Variants in STXBP4 observed in about 807,000 individuals in gnomAD.
The protein encoded by STXBP4 is syntaxin-binding protein 4.
Under a neutral mutation model 76.1 loss-of-function variants are expected in STXBP4, and 55 were observed. The ratio of observed to expected loss-of-function variants is 0.72; its 90% confidence interval spans 0.58 to 0.91. STXBP4 has a LOEUF of 0.91. Among genes scored for constraint, STXBP4 ranks in the 40% least tolerant of loss-of-function variants. The probability of loss-of-function intolerance (pLI) is 0.00; values close to 1 mark genes in which losing one functional copy is unlikely to be tolerated. For synonymous variants in STXBP4, 201 were observed against 220.2 expected, an observed-to-expected ratio of 0.91 and a Z score of 0.77; for missense variants, 618 against 636.9, an observed-to-expected ratio of 0.97 and a Z score of 0.32.
intron 1 of STXBP4, among the ~76,000 whole-genome samples, chr17:54,981,872 T>C (rs2077555424): frequency 6.6e-6 from 1 of 152,086 alleles, no homozygotes; most frequent in Non-Finnish European, 1.5e-5. Context: ...TGGCAAAAGA[T>C]GTAAAAAAAA....
chr17:55,079,402 A>AGCTCATAT (rs1195584931), intron 15 of STXBP4, among the ~76,000 whole-genome samples: 1 of 152,092 alleles, frequency 6.6e-6, no homozygotes, highest in Non-Finnish European at 1.5e-5. Context: ...TGCTCTCATA[A>AGCTCATAT]TAGCTGCCAC....
intron 7 of STXBP4, among the ~76,000 whole-genome samples, chr17:55,004,020 A>G (rs1390499557): frequency 6.6e-6 from 1 of 151,946 alleles, no homozygotes. Context: ...AAAAATAGAA[A>G]AAAAAAAAAT....
intron 16 of STXBP4, among the ~76,000 whole-genome samples, chr17:55,110,336 T>C (rs1467506728): frequency 3.9e-5 from 6 of 152,224 alleles, no homozygotes; most frequent in African/African-American, 1.4e-4. Context: ...ATAGTCATAG[T>C]TTCCATGGCT....
At chr17:55,051,772 G>T (rs1473620161) in intron 12 of STXBP4, among the ~76,000 whole-genome samples, 1 of 151,960 alleles carries the variant, frequency 6.6e-6, no homozygotes, top group Non-Finnish European at 1.5e-5. Context: ...GAAAAAGAAA[G>T]AAGGAAAGAA....
chr17:55,118,762 G>A lies in STXBP4; in HGVS notation c.1490-22548G>A, dbSNP rs564008058. ...TTCAGAAAGATAGAAGGAAAATTAG[G>A]CAAATGTACTATTATAGAAACCAAG... On this transcript the variant is annotated intron_variant, in intron 16 of 17. Coordinates refer to ENST00000376352, the MANE Select transcript of STXBP4 (RefSeq NM_178509.6). Among the ~76,000 whole-genome samples, 8 of 151,678 alleles carry A rather than the reference G, an allele frequency of 5.3e-5. No homozygotes were observed. In the South Asian group the frequency reaches 1.0e-3, roughly 20 times the overall value.
rs560403174 is a variant in STXBP4, at chr17:55,088,700, A to G, written c.1489+7517A>G. Reference sequence around the variant, plus strand: ...GCGTGAGCCACCGTGCCAGGCCTAGAAGACAATTCTAAAGCTTTCCTGGAT... The same window carrying G: ...GCGTGAGCCACCGTGCCAGGCCTAGGAGACAATTCTAAAGCTTTCCTGGAT... On this transcript the variant is annotated intron_variant, in intron 16 of 17. Transcript: ENST00000376352. Among the ~76,000 whole-genome samples, 3 of 152,292 alleles carry G rather than the reference A, an allele frequency of 2.0e-5. No individual in the cohort carries two copies. The East Asian group carries it at 5.8e-4, about 29-fold the overall frequency.
intron 7 of STXBP4, among the ~76,000 whole-genome samples, chr17:55,003,126 C>T (rs2077946558): frequency 1.3e-5 from 2 of 152,160 alleles, no homozygotes; most frequent in South Asian, 2.1e-4. Context: ...GATAACTGAA[C>T]ACAGGAGATC....
chr17:55,042,189 C>T (rs1470403869), intron 10 of STXBP4, among the ~76,000 whole-genome samples: 1 of 151,980 alleles, frequency 6.6e-6, no homozygotes, highest in Non-Finnish European at 1.5e-5. Context: ...TCCATTCCAC[C>T]ACGTTTTTTG....
At chr17:55,115,854 A>G (rs577074115) in intron 16 of STXBP4, among the ~76,000 whole-genome samples, 1 of 151,970 alleles carries the variant, frequency 6.6e-6, no homozygotes, top group East Asian at 1.9e-4. Flanking sequence ...TTATTTTTCA[A>G]ATGTACAATT....
At position 55,133,539 on chromosome 17, in the gene STXBP4, C is replaced by T. The variant is rs561962777; in HGVS notation, c.1490-7771C>T. ...TGAGATCACCTAACAAATGAGTGTA[C>T]GCAGGAAAAGAACAGAAAGGAAGGA... On this transcript the variant is annotated intron_variant, in intron 16 of 17. Coordinates refer to ENST00000376352, the MANE Select transcript of STXBP4 (RefSeq NM_178509.6). 5.1e-4 allele frequency among the ~76,000 whole-genome samples: 77 copies of T among 152,060 alleles called. 1 individual carries two copies. The highest frequency in any genetic ancestry group is 2.6e-3 in the Admixed American group (40 of 15,264).
At chr17:55,034,079 A>G in intron 9 of STXBP4, 89 bp from the exon 10 acceptor site, 1 of 889,792 alleles carries the variant, frequency 1.1e-6, no homozygotes, top group Non-Finnish European at 1.7e-6. Context: ...TGTGGGTTAA[A>G]TTTGAAACCT....
chr17:55,127,993 T>G (rs1220923122), intron 16 of STXBP4, among the ~76,000 whole-genome samples: 1 of 152,142 alleles, frequency 6.6e-6, no homozygotes, highest in Non-Finnish European at 1.5e-5. Context: ...ATTTCTAAAA[T>G]TGTATGTCTA....
chr17:55,124,321 A>G (rs1464273843), intron 16 of STXBP4, among the ~76,000 whole-genome samples: 2 of 152,218 alleles, frequency 1.3e-5, no homozygotes, highest in African/African-American at 2.4e-5. Flanking sequence ...TTCAGGCCTT[A>G]CTTTTGCATG....
intron 11 of STXBP4, chr17:55,043,848 G>C: frequency 1.8e-6 from 1 of 560,908 alleles, no homozygotes. Context: ...TTTGATTCTT[G>C]TTTTTGTTTT....
chr17:55,044,185 T>A (rs2078753001), intron 11 of STXBP4: 2 of 152,230 alleles, frequency 1.3e-5, no homozygotes, highest in South Asian at 4.1e-4. Flanking sequence ...TTTCATTCTG[T>A]TTTTAGAAGA....
At chr17:55,008,782 A>T (rs182154759) in intron 8 of STXBP4, among the ~76,000 whole-genome samples, 131 of 152,070 alleles carry the variant, frequency 8.6e-4, no homozygotes, top group African/African-American at 2.8e-3. Context: ...GGGTCTTTTA[A>T]TCTACTTTTA....
the STXBP4 span, among the ~76,000 whole-genome samples, chr17:55,197,557 C>T: frequency 3.3e-5 from 5 of 152,228 alleles, no homozygotes; most frequent in Admixed American, 2.6e-4. Context: ...TCCTGGCCAA[C>T]ACGGTGAAAT....
chr17:54,993,462 C>A (rs2077749992), intron 4 of STXBP4, among the ~76,000 whole-genome samples: 2 of 147,346 alleles, frequency 1.4e-5, no homozygotes, highest in African/African-American at 2.5e-5. Flanking sequence ...GCCTGGGCAA[C>A]AGAGCATTTC....
chr17:54,979,721 ACAT>A (rs2077522634), intron 1 of STXBP4, among the ~76,000 whole-genome samples: 1 of 152,196 alleles, frequency 6.6e-6, no homozygotes, highest in Admixed American at 6.5e-5. Flanking sequence ...GAGCTTTTTA[ACAT>A]TATTATGAAG....
Sources: gnomAD v4.1 joint callset for allele counts (sites outside exome capture counted in the v4.1 genomes callset) on GRCh38, gnomAD v4.1.1 for gene constraint, MANE v1.5 for transcripts, NCBI Gene and HGNC (gene_info 2026-07-23, HGNC 2026-07-21) for gene names.